CNNM2: variants seen among roughly 807,000 people sequenced by gnomAD.
CNNM2 encodes the protein metal transporter CNNM2.
A neutral mutation model predicts 66.9 loss-of-function variants in CNNM2; 12 were observed. The ratio of observed to expected loss-of-function variants is 0.18; its 90% CI spans 0.11 to 0.29. The LOEUF (loss-of-function observed/expected upper bound fraction) is 0.29, where lower values mean the gene tolerates loss of function less well. Ranked by LOEUF, CNNM2 falls within the 10% of genes least tolerant of loss-of-function variation. The probability of loss-of-function intolerance (pLI) is 1.00; values close to 1 mark genes in which losing one functional copy is unlikely to be tolerated. For synonymous variants in CNNM2, 557 were observed against 501.8 expected, an observed-to-expected ratio of 1.11 and a Z score of -1.47; for missense variants, 705 against 1,167.7, an observed-to-expected ratio of 0.60 and a Z score of 5.77.
At chr10:103,057,083 C>T in intron 4 of CNNM2, 119 bp downstream of exon 4, 2 of 926,546 alleles carry the variant, frequency 2.2e-6, no homozygotes, top group Admixed American at 2.4e-5. Context: ...TAGCCTTAGA[C>T]ATGGGAGAAT....
intron 1 of CNNM2, among the ~76,000 whole-genome samples, chr10:102,928,154 A>C (rs1214517119): frequency 6.6e-6 from 1 of 152,246 alleles, no homozygotes; most frequent in Non-Finnish European, 1.5e-5. Context: ...TAATAAATAT[A>C]TAAATGTTTC....
At chr10:102,980,446 C>G (rs1372605482) in intron 1 of CNNM2, among the ~76,000 whole-genome samples, 1 of 150,838 alleles carries the variant, frequency 6.6e-6, no homozygotes, top group African/African-American at 2.4e-5. Context: ...ATTTTTGTAT[C>G]TTTTGTAGAG....
chr10:103,027,946 A>G (rs995255974), intron 1 of CNNM2, among the ~76,000 whole-genome samples: 3 of 151,772 alleles, frequency 2.0e-5, no homozygotes, highest in Admixed American at 2.0e-4. Context: ...TCTCAGTCAC[A>G]CAGGTAGTAT....
intron 1 of CNNM2, among the ~76,000 whole-genome samples, chr10:103,016,904 CA>C (rs1325485366): frequency 2.0e-5 from 3 of 152,046 alleles, no homozygotes; most frequent in African/African-American, 7.2e-5. Context: ...TTCCTCCATC[CA>C]AAAGCCCCAA....
Position 102,919,160 on chromosome 10 carries a change from C to T in CNNM2, c.680C>T (p.Pro227Leu). 6.2e-7 allele frequency: 1 copy of T among 1,610,514 alleles called. No homozygotes were observed. Among genetic ancestry groups the T allele is most frequent in the Non-Finnish European group, 8.5e-7 (1 of 1,179,766 alleles). Residue 227 changes from proline (P) to leucine (L), a missense_variant, in exon 1 of 8, where the codon CCG (proline) becomes CTG (leucine). Pro to Leu is a moderately conservative substitution (Grantham distance 98). Coordinates refer to ENST00000369878, the MANE Select transcript of CNNM2 (RefSeq NM_017649.5). ...GSGVAGLPPP[P>L]WAETTWIYHD... The stretch of plus-strand genomic sequence containing the variant: ...GGGGTGGCCGGGCTCCCGCCGCCCC[C>T]GTGGGCCGAGACCACCTGGATTTAC...
intron 4 of CNNM2, among the ~76,000 whole-genome samples, chr10:103,061,036 A>G (rs1233116739): frequency 2.6e-5 from 4 of 152,194 alleles, no homozygotes; most frequent in African/African-American, 9.7e-5. Flanking sequence ...TAAAAAGAAA[A>G]TAGAACTATA....
chr10:103,061,546 AAGC>A (rs2065386703), intron 4 of CNNM2, among the ~76,000 whole-genome samples: 1 of 152,206 alleles, frequency 6.6e-6, no homozygotes, highest in Non-Finnish European at 1.5e-5. Context: ...TCTCCTATAA[AAGC>A]AGCTAGAATA....
intron 6 of CNNM2, among the ~76,000 whole-genome samples, chr10:103,073,868 C>CG (rs1491432342): frequency 2.8e-5 from 2 of 70,242 alleles, no homozygotes; most frequent in Non-Finnish European, 4.9e-5. Flanking sequence ...GACTCCGTCT[C>CG]AAAAAAAAAA....
At position 103,081,850 on chromosome 10, in the gene CNNM2, T is replaced by C. The variant is rs934581305; in HGVS notation, c.*4670T>C. ...GGCAGTTCACAGCAACTGCATAGAG[T>C]AGGGAGCAGCTTTCCTCCCACCATC... On this transcript the variant is annotated 3_prime_UTR_variant, in exon 8 of 8. Coordinates refer to ENST00000369878, the MANE Select transcript of CNNM2 (RefSeq NM_017649.5). 6.6e-6 allele frequency: 1 copy of C among 152,094 alleles called. No individual in the cohort carries two copies. The highest frequency in any genetic ancestry group is 1.5e-5 in the Non-Finnish European group (1 of 68,034). 9.4% of individuals were successfully genotyped at this position (152,094 alleles called of 1,614,324 possible).
chr10:103,011,646 CTGTGTG>C lies in CNNM2; in HGVS notation c.1622-38027_1622-38022del, dbSNP rs10624803. Among the ~76,000 whole-genome samples the C allele has an allele frequency of 4.2e-3, 568 of 136,046 alleles. 4 individuals are homozygous for C. The highest frequency in any genetic ancestry group is 5.0e-3 in the Admixed American group (67 of 13,282). The allele number at this position is 136,046 out of a possible 152,430, so 89.3% of individuals were successfully genotyped here. On this transcript the variant is annotated intron_variant, in intron 1 of 7. Transcript: ENST00000369878. ...TTCTTTTGCATAAGTAATACTTGCACTGTGTGTGTGTGTGTGTGTGTGTGTGTGTGT... is the reference window on the plus strand; with the variant it reads ...TTCTTTTGCATAAGTAATACTTGCACTGTGTGTGTGTGTGTGTGTGTGTGT...
At chr10:103,039,361 T>C (rs758142370) in intron 1 of CNNM2, among the ~76,000 whole-genome samples, 5 of 152,280 alleles carry the variant, frequency 3.3e-5, no homozygotes, top group Non-Finnish European at 5.9e-5. Flanking sequence ...GGTCTCGAAC[T>C]CCTGACCTGA....
intron 1 of CNNM2, among the ~76,000 whole-genome samples, chr10:103,019,468 AAG>A (rs2064527817): frequency 6.6e-6 from 1 of 152,104 alleles, no homozygotes; most frequent in Non-Finnish European, 1.5e-5. Context: ...TTTTGGTGTA[AAG>A]AGAAGTAAAG....
At chr10:103,058,732 T>C (rs1345835245) in intron 4 of CNNM2, among the ~76,000 whole-genome samples, 2 of 152,248 alleles carry the variant, frequency 1.3e-5, no homozygotes, top group East Asian at 3.8e-4. Flanking sequence ...GTAGTGTGTA[T>C]GTTTGATGAA....
At chr10:102,985,623 C>T (rs543695988) in intron 1 of CNNM2, among the ~76,000 whole-genome samples, 5 of 152,278 alleles carry the variant, frequency 3.3e-5, no homozygotes, top group East Asian at 3.9e-4. Context: ...CTCCAAACTG[C>T]GTGGCCAGAC....
chr10:102,922,897 G>A (rs1845706005), intron 1 of CNNM2, among the ~76,000 whole-genome samples: 1 of 149,590 alleles, frequency 6.7e-6, no homozygotes, highest in African/African-American at 2.5e-5. Flanking sequence ...AGCTGAGATG[G>A]TGCCATTGCA....
In CNNM2 at chr10:102,981,703, A is replaced by AT. The variant is rs201793578; in HGVS notation, c.1621+61612dup. Among the ~76,000 whole-genome samples, 155 of 149,768 alleles carry AT rather than the reference A, an allele frequency of 1.0e-3. 1 individual carries two copies. Among genetic ancestry groups the AT allele is most frequent in the Non-Finnish European group, 2.0e-3 (136 of 67,202 alleles). ...CCACCACGCCTGACCAGGGATGGTA[A>AT]TTTTTTTTTTGATCTTGTGTATCAG... is the stretch of plus-strand genomic sequence containing the variant. On this transcript the variant is annotated intron_variant, in intron 1 of 7. Transcript: ENST00000369878.
intron 1 of CNNM2, among the ~76,000 whole-genome samples, chr10:102,921,823 A>G (rs2134153979): frequency 6.6e-6 from 1 of 152,298 alleles, no homozygotes; most frequent in African/African-American, 2.4e-5. Flanking sequence ...TGATAACACT[A>G]GTTTGTACTT....
chr10:102,994,321 G>C (rs1296699702), intron 1 of CNNM2, among the ~76,000 whole-genome samples: 1 of 152,170 alleles, frequency 6.6e-6, no homozygotes, highest in African/African-American at 2.4e-5. Context: ...AAGCAGGAGA[G>C]GTTTACCATA....
chr10:102,965,997 T>C (rs1417368483), intron 1 of CNNM2, among the ~76,000 whole-genome samples: 1 of 152,192 alleles, frequency 6.6e-6, no homozygotes, highest in African/African-American at 2.4e-5. Flanking sequence ...AGAAAGCCTT[T>C]CCTTCTCTTG....
Sources: allele counts gnomAD v4.1 joint callset (sites outside exome capture counted in the v4.1 genomes callset), GRCh38; gene constraint gnomAD v4.1.1; transcripts MANE v1.5; gene names NCBI Gene and HGNC (gene_info 2026-07-23, HGNC 2026-07-21).